Variants in RABGAP1L observed in about 807,000 individuals in gnomAD.
RABGAP1L encodes rab GTPase-activating protein 1-like.
In RABGAP1L, 63 loss-of-function variants were observed where a neutral mutation model predicts 137.7. That is an observed-to-expected ratio of 0.46 (90% CI 0.37 to 0.56). RABGAP1L has a LOEUF of 0.56. Ranked by LOEUF, RABGAP1L falls within the 20% of genes least tolerant of loss-of-function variation. The pLI is 0.00. For synonymous variants in RABGAP1L, 431 were observed against 433.7 expected, an observed-to-expected ratio of 0.99 and a Z score of 0.08; for missense variants, 1,095 against 1,244.0, an observed-to-expected ratio of 0.88 and a Z score of 1.80.
chr1:174,434,018 A>C (rs959412232), intron 13 of RABGAP1L, among the ~76,000 whole-genome samples: 2 of 152,034 alleles, frequency 1.3e-5, no homozygotes. Flanking sequence ...ATCAAGATAC[A>C]GAATGTTTCC....
In RABGAP1L at chr1:174,354,835, G is replaced by C. The variant is rs190729878; in HGVS notation, c.1466-16144G>C. 6.7e-4 allele frequency among the ~76,000 whole-genome samples: 102 copies of C among 152,308 alleles called. 1 individual carries two copies. The highest frequency in any genetic ancestry group is 2.3e-3 in the African/African-American group (94 of 41,568). On this transcript the variant is annotated intron_variant, in intron 11 of 25. Transcript: ENST00000681986. ...TTTAATCCATCTTGAATTAAATTTT[G>C]TATAAGGTGTAAGGAAGGGATCCAG... is the stretch of plus-strand genomic sequence containing the variant.
At chr1:174,583,825 G>A (rs1668918279) in intron 13 of RABGAP1L, among the ~76,000 whole-genome samples, 1 of 152,178 alleles carries the variant, frequency 6.6e-6, no homozygotes, top group Non-Finnish European at 1.5e-5. Context: ...TTTACTATGT[G>A]TCAGGTGCTA....
At chr1:174,267,171 A>C (rs1442800574) in intron 7 of RABGAP1L, among the ~76,000 whole-genome samples, 2 of 152,190 alleles carry the variant, frequency 1.3e-5, no homozygotes, top group Non-Finnish European at 2.9e-5. Context: ...CATCAAAAGG[A>C]AATAGTAATT....
chr1:174,402,175 T>G (rs1648677131), intron 13 of RABGAP1L, among the ~76,000 whole-genome samples: 1 of 152,162 alleles, frequency 6.6e-6, no homozygotes, highest in African/African-American at 2.4e-5. Context: ...GCTTCTGTAA[T>G]ATGATTCCCA....
At chr1:174,239,156 C>T (rs1028440091) in intron 4 of RABGAP1L, among the ~76,000 whole-genome samples, 2 of 152,178 alleles carry the variant, frequency 1.3e-5, no homozygotes, top group African/African-American at 4.8e-5. Flanking sequence ...AACTGGCCTG[C>T]GCCCACTGTC....
chr1:174,580,112 G>A (rs897030121), intron 13 of RABGAP1L, among the ~76,000 whole-genome samples: 1 of 141,326 alleles, frequency 7.1e-6, no homozygotes, highest in Non-Finnish European at 1.6e-5. Flanking sequence ...AAAAGTACAA[G>A]CAGCAAAATA....
At chr1:174,583,593 A>T (rs74126844) in intron 13 of RABGAP1L, among the ~76,000 whole-genome samples, 5,336 of 152,268 alleles carry the variant, frequency 0.035, 124 homozygotes, top group Middle Eastern at 0.088. Context: ...AATGGAGACT[A>T]AAAGTTCCCA....
chr1:174,453,407 C>A (rs1340353575), intron 13 of RABGAP1L, among the ~76,000 whole-genome samples: 1 of 152,162 alleles, frequency 6.6e-6, no homozygotes, highest in Non-Finnish European at 1.5e-5. Context: ...CTTAAAGGAC[C>A]TTTCCTCTTT....
chr1:174,289,160 C>T (rs547534559), intron 10 of RABGAP1L, among the ~76,000 whole-genome samples: 7 of 152,196 alleles, frequency 4.6e-5, no homozygotes, highest in African/African-American at 1.4e-4. Flanking sequence ...ACCTTAGCCT[C>T]CCAAATAGCT....
chr1:174,230,409 TA>T (rs890981472), intron 3 of RABGAP1L, among the ~76,000 whole-genome samples: 3 of 150,876 alleles, frequency 2.0e-5, no homozygotes, highest in South Asian at 2.1e-4. Flanking sequence ...AAAAAAAGAA[TA>T]AAAAAAAAGG....
At chr1:174,281,290 G>C (rs1011169894) in intron 10 of RABGAP1L, among the ~76,000 whole-genome samples, 5 of 152,074 alleles carry the variant, frequency 3.3e-5, no homozygotes, top group African/African-American at 9.7e-5. Flanking sequence ...AGCACTGATT[G>C]GTCCATTTTA....
At position 174,948,554 on chromosome 1, in the gene RABGAP1L, TA is replaced by T. The variant is rs377031202; in HGVS notation, c.2341-8901del. On this transcript the variant is annotated intron_variant, in intron 19 of 25. Transcript: ENST00000681986. The stretch of plus-strand genomic sequence containing the variant: ...AAAAGGAGTGTAACTGGATTCTTTG[TA>T]ACACAAAGGATCAATGCTTGAGGGG... Among the ~76,000 whole-genome samples, 123 of 150,894 alleles carry T rather than the reference TA, an allele frequency of 8.2e-4. 1 individual carries two copies. Among genetic ancestry groups the T allele is most frequent in the African/African-American group, 2.8e-3 (117 of 41,104 alleles).
intron 13 of RABGAP1L, among the ~76,000 whole-genome samples, chr1:174,575,223 C>T (rs1349983740): frequency 6.6e-6 from 1 of 152,172 alleles, no homozygotes; most frequent in Non-Finnish European, 1.5e-5. Context: ...AGCCATCATG[C>T]CTGGCCTCTT....
chr1:174,177,001 A>G (rs995950645), intron 1 of RABGAP1L, among the ~76,000 whole-genome samples: 2 of 152,120 alleles, frequency 1.3e-5, no homozygotes, highest in African/African-American at 4.8e-5. Flanking sequence ...GCTTGAACCC[A>G]GGAGGTCAAG....
At chr1:174,897,060 T>C (rs1657325439) in intron 19 of RABGAP1L, 1 of 152,238 alleles carries the variant, frequency 6.6e-6, no homozygotes, top group African/African-American at 2.4e-5. Context: ...TATTGATTCT[T>C]CCTATCCATG....
intron 11 of RABGAP1L, among the ~76,000 whole-genome samples, chr1:174,322,518 T>C (rs1402021396): frequency 6.6e-6 from 1 of 152,192 alleles, no homozygotes; most frequent in Non-Finnish European, 1.5e-5. Context: ...CACATAAGTT[T>C]CTTTAGAGAG....
rs1672002239 is a variant in RABGAP1L at position 174,990,762 on chromosome 1, A to G, written c.*761A>G. ...TAAGTACACCAAAGTATGGACACAG[A>G]TGTGACTTCTGGCAATTATAAAGTT... On this transcript the variant is annotated 3_prime_UTR_variant, in exon 26 of 26. Transcript: ENST00000681986. 1 of 152,212 alleles carries G rather than the reference A, an allele frequency of 6.6e-6. No individual in the cohort carries two copies. Among genetic ancestry groups the G allele is most frequent in the Admixed American group, 6.5e-5 (1 of 15,276 alleles). 9.4% of individuals were successfully genotyped at this position (152,212 alleles called of 1,614,324 possible). A position where few individuals can be genotyped will look rare whatever the true frequency, so the allele number is the denominator to read the frequency against.
At chr1:174,343,403 G>A (rs1682153419) in intron 11 of RABGAP1L, among the ~76,000 whole-genome samples, 1 of 152,078 alleles carries the variant, frequency 6.6e-6, no homozygotes, top group Non-Finnish European at 1.5e-5. Context: ...CTTTCCTATT[G>A]TGTATCTGAG....
chr1:174,782,901 G>A (rs1293831490), intron 18 of RABGAP1L, among the ~76,000 whole-genome samples: 1 of 152,176 alleles, frequency 6.6e-6, no homozygotes, highest in African/African-American at 2.4e-5. Flanking sequence ...CACAGGGTGA[G>A]GGACAATGAT....
Sources: allele counts gnomAD v4.1 joint callset (sites outside exome capture counted in the v4.1 genomes callset), GRCh38; gene constraint gnomAD v4.1.1; transcripts MANE v1.5; gene names NCBI Gene and HGNC (gene_info 2026-07-23, HGNC 2026-07-21).